Variants in SPTBN1 observed in about 807,000 individuals in gnomAD.
SPTBN1 encodes the protein spectrin beta, non-erythrocytic 1.
SPTBN1 carries 32 observed loss-of-function variants against 266.4 expected under a neutral mutation model. The ratio of observed to expected loss-of-function variants is 0.12; its 90% CI spans 0.09 to 0.16. The LOEUF is 0.16. Among genes scored for constraint, SPTBN1 ranks in the 10% least tolerant of loss-of-function variants. The pLI is 1.00. For missense variants in SPTBN1, 2,296 were observed against 3,067.1 expected, an observed-to-expected ratio of 0.75 and a Z score of 5.94; for synonymous variants, 1,336 against 1,162.2, an observed-to-expected ratio of 1.15 and a Z score of -3.04.
rs771299659 is a variant in SPTBN1 at position 54,653,725 on chromosome 2, C to T, written c.5694C>T (p.Asp1898=). 3.1e-5 allele frequency: 50 copies of T among 1,614,216 alleles called. No homozygotes were observed. Among genetic ancestry groups the T allele is most frequent in the Middle Eastern group, 1.7e-4 (1 of 6,060 alleles). Residue 1898 remains aspartate (D), a synonymous_variant, in exon 27 of 36, where the codon GAC becomes GAT. Transcript: ENST00000356805. The surrounding 1 kb of genome is among the most constrained non-coding windows in gnomAD (Gnocchi z 5.1). ...EVLEAWKSLL[D]ACESRRVRLV... is the part of the protein sequence containing the mutation. ...TGGAAGCCTGGAAGTCCCTCCTGGA[C>T]GCCTGTGAGAGCCGCAGGGTGCGGC...
intron 1 of SPTBN1, among the ~76,000 whole-genome samples, chr2:54,497,978 C>T (rs934540281): frequency 1.3e-5 from 2 of 152,172 alleles, no homozygotes; most frequent in African/African-American, 2.4e-5. Context: ...AAAAAACAAG[C>T]CCTCCAGTTG....
In SPTBN1 at chr2:54,553,162, G is replaced by A. The variant is rs116010277; in HGVS notation, c.148+26596G>A. 6.5e-3 allele frequency among the ~76,000 whole-genome samples: 993 copies of A among 152,326 alleles called. 7 individuals carry two copies. Among genetic ancestry groups the A allele is most frequent in the African/African-American group, 0.023 (944 of 41,574 alleles). On this transcript the variant is annotated intron_variant, in intron 2 of 35. Coordinates refer to ENST00000356805, the MANE Select transcript of SPTBN1 (RefSeq NM_003128.3). The stretch of plus-strand genomic sequence containing the variant: ...GTTAGTTGGTTGAGTTTTCTGGTTA[G>A]TGGGGAAATTTCCATTGAAAAAGGA...
At chr2:54,627,469 A>G (rs140429158) in intron 12 of SPTBN1, among the ~76,000 whole-genome samples, 12 of 152,338 alleles carry the variant, frequency 7.9e-5, no homozygotes, top group Admixed American at 7.2e-4. Flanking sequence ...CTTGGGGTCT[A>G]CTAAGCAAGA....
At chr2:54,490,767 T>G (rs1429828871) in intron 1 of SPTBN1, among the ~76,000 whole-genome samples, 3 of 152,094 alleles carry the variant, frequency 2.0e-5, no homozygotes, top group Non-Finnish European at 2.9e-5. Context: ...AGGTGACTCT[T>G]GAAAAATGAT....
chr2:54,660,104 C>T, intron 32 of SPTBN1, 105 bp downstream of exon 32: 2 of 1,610,032 alleles, frequency 1.2e-6, no homozygotes, highest in Middle Eastern at 1.7e-4. Flanking sequence ...TACCATTTGT[C>T]AAGAATCACC....
At chr2:54,505,853 G>A (rs907252210) in intron 1 of SPTBN1, among the ~76,000 whole-genome samples, 22 of 152,048 alleles carry the variant, frequency 1.4e-4, no homozygotes, top group African/African-American at 5.3e-4. Context: ...GGCCAGGCGC[G>A]GTGGCTCACG....
intron 1 of SPTBN1, among the ~76,000 whole-genome samples, chr2:54,469,137 G>T (rs940579080): frequency 2.0e-5 from 3 of 152,328 alleles, no homozygotes; most frequent in East Asian, 3.9e-4. Context: ...ACATCAGATG[G>T]ATGGAGGTGA....
chr2:54,584,999 C>T (rs549991453), intron 2 of SPTBN1, among the ~76,000 whole-genome samples: 3 of 152,214 alleles, frequency 2.0e-5, no homozygotes, highest in South Asian at 2.1e-4. Context: ...ATCTGTATTC[C>T]GTTTTATGGG....
intron 2 of SPTBN1, among the ~76,000 whole-genome samples, chr2:54,576,571 C>T (rs994106323): frequency 3.3e-5 from 5 of 152,102 alleles, no homozygotes; most frequent in Admixed American, 6.5e-5. Context: ...CTAGTTGATG[C>T]GCCACAGCTG....
chr2:54,518,085 T>G (rs1374968392), intron 1 of SPTBN1, among the ~76,000 whole-genome samples: 2 of 152,172 alleles, frequency 1.3e-5, no homozygotes, highest in African/African-American at 4.8e-5. Flanking sequence ...ATGCCGTGAC[T>G]TTTCATGTGT....
intron 3 of SPTBN1, among the ~76,000 whole-genome samples, chr2:54,602,244 T>C (rs1278517802): frequency 6.6e-6 from 1 of 152,170 alleles, no homozygotes; most frequent in Admixed American, 6.5e-5. Context: ...TACTTTAACA[T>C]TGGATTGGCA....
Position 54,558,527 on chromosome 2 carries a change from A to C in SPTBN1, c.148+31961A>C. 4 of 1,250,826 alleles carry C rather than the reference A, an allele frequency of 3.2e-6. No homozygotes were observed. The highest frequency in any genetic ancestry group is 4.0e-6 in the Non-Finnish European group (4 of 993,968). 77.5% of individuals were successfully genotyped at this position (1,250,826 alleles called of 1,614,324 possible). A position where few individuals can be genotyped will look rare whatever the true frequency, so the allele number is the denominator to read the frequency against. ...CCCTCCTCCTCAGTAATTTATTTCG[A>C]GCTTCCAGGCAAGGGCCACGGAAGA... On this transcript the variant is annotated intron_variant, in intron 2 of 35. Transcript: ENST00000356805. This position sits in a 1 kb window ranked among gnomAD's most constrained non-coding sequence, Gnocchi z 4.6.
intron 2 of SPTBN1, among the ~76,000 whole-genome samples, chr2:54,577,698 G>A (rs1674586006): frequency 6.6e-6 from 1 of 152,204 alleles, no homozygotes; most frequent in African/African-American, 2.4e-5. Context: ...AGGAAGCTGT[G>A]CCCAAGGACA....
intron 2 of SPTBN1, among the ~76,000 whole-genome samples, chr2:54,556,656 C>T (rs200803391): frequency 2.6e-5 from 4 of 151,766 alleles, no homozygotes; most frequent in Admixed American, 2.6e-4. Context: ...TTCAACTTCT[C>T]TTGTAGTCTT....
At chr2:54,656,524 G>A (rs545127403) in intron 29 of SPTBN1, among the ~76,000 whole-genome samples, 73 of 152,280 alleles carry the variant, frequency 4.8e-4, no homozygotes, top group Non-Finnish European at 6.9e-4. Context: ...AAGGGAATAT[G>A]TGAGCTAATA....
At chr2:54,525,001 T>C (rs947138246) in intron 1 of SPTBN1, among the ~76,000 whole-genome samples, 6 of 152,184 alleles carry the variant, frequency 3.9e-5, no homozygotes, top group Admixed American at 1.3e-4. Context: ...TTTGTCCAGC[T>C]CCTACCACTA....
intron 1 of SPTBN1, among the ~76,000 whole-genome samples, chr2:54,474,144 T>C (rs890383699): frequency 6.6e-6 from 1 of 152,246 alleles, no homozygotes. Flanking sequence ...TAGATGTTTC[T>C]ACAGCTGTTG....
At chr2:54,463,590 C>T (rs978523013) in intron 1 of SPTBN1, among the ~76,000 whole-genome samples, 1 of 152,130 alleles carries the variant, frequency 6.6e-6, no homozygotes, top group Non-Finnish European at 1.5e-5. Context: ...GTAAAATAGT[C>T]GTAATGAGAG....
chr2:54,519,729 G>T (rs577245976), intron 1 of SPTBN1, among the ~76,000 whole-genome samples: 6 of 152,068 alleles, frequency 3.9e-5, no homozygotes, highest in Non-Finnish European at 4.4e-5. Context: ...ATTTTAGCAC[G>T]GTCCCTCTGG....
Sources: allele counts gnomAD v4.1 joint callset (sites outside exome capture counted in the v4.1 genomes callset), GRCh38; gene constraint gnomAD v4.1.1; non-coding constraint Gnocchi (gnomAD v3.1); transcripts MANE v1.5; gene names NCBI Gene and HGNC (gene_info 2026-07-23, HGNC 2026-07-21).